TMA7B: variants seen among roughly 807,000 people sequenced by gnomAD.
The protein encoded by TMA7B is translation machinery associated 7 homolog B.
the TMA7B span, among the ~76,000 whole-genome samples, chr22:39,962,841 T>C: frequency 6.6e-6 from 1 of 151,980 alleles, no homozygotes; most frequent in Non-Finnish European, 1.5e-5. Flanking sequence ...GTGTGTGTGG[T>C]TTTTTTCAGT....
chr22:39,961,316 A>G, the TMA7B span, among the ~76,000 whole-genome samples: 7 of 152,288 alleles, frequency 4.6e-5, no homozygotes, highest in Admixed American at 2.0e-4. Context: ...ACAGGAGGGC[A>G]GGAGAAGGCC....
chr22:39,964,009 C>G, the TMA7B span: 1 of 182,202 alleles, frequency 5.5e-6, no homozygotes, highest in African/African-American at 2.4e-5. Context: ...GAGCGAGACT[C>G]TGACTCAAAA....
At chr22:39,964,164 T>C in the TMA7B span, 2 of 506,432 alleles carry the variant, frequency 3.9e-6, no homozygotes, top group South Asian at 3.2e-5. Context: ...AAATAAACTT[T>C]ACATCCAAAA....
At chr22:39,961,999 C>T in the TMA7B span, among the ~76,000 whole-genome samples, 1 of 152,238 alleles carries the variant, frequency 6.6e-6, no homozygotes, top group Non-Finnish European at 1.5e-5. Flanking sequence ...TGCTTAAACT[C>T]TTTTCTTCAG....
chr22:39,962,815 C>T, the TMA7B span, among the ~76,000 whole-genome samples: 3 of 152,028 alleles, frequency 2.0e-5, no homozygotes, highest in Non-Finnish European at 4.4e-5. Context: ...CGCACCACCA[C>T]GCCTGGCTAA....
At chr22:39,961,508 A>G in the TMA7B span, among the ~76,000 whole-genome samples, 2 of 152,228 alleles carry the variant, frequency 1.3e-5, no homozygotes, top group Admixed American at 6.5e-5. Flanking sequence ...CGAAAACCAC[A>G]GAACAGAGGG....
chr22:39,962,684 C>T, the TMA7B span, among the ~76,000 whole-genome samples: 3 of 151,776 alleles, frequency 2.0e-5, no homozygotes, highest in Non-Finnish European at 4.4e-5. Flanking sequence ...TTGAGACAGA[C>T]TCTCGCTCTG....
chr22:39,964,129 A>G, the TMA7B span: 6 of 412,800 alleles, frequency 1.5e-5, no homozygotes, highest in Non-Finnish European at 2.6e-5. Context: ...GTTTATTTTT[A>G]GATATAAATG....
At chr22:39,961,601 A>G in the TMA7B span, among the ~76,000 whole-genome samples, 2 of 152,206 alleles carry the variant, frequency 1.3e-5, no homozygotes, top group East Asian at 1.9e-4. Context: ...ACGCGTAGAC[A>G]TTACACAGCC....
chr22:39,964,524 G>A, the TMA7B span: 1 of 903,680 alleles, frequency 1.1e-6, no homozygotes, highest in Non-Finnish European at 1.8e-6. Flanking sequence ...TCGTGGGGAA[G>A]GGGCCTCTGG....
chr22:39,963,327 T>C, the TMA7B span, among the ~76,000 whole-genome samples: 4 of 152,180 alleles, frequency 2.6e-5, no homozygotes, highest in Non-Finnish European at 5.9e-5. Flanking sequence ...CCTCTCCTTG[T>C]AGACCCAGAT....
the TMA7B span, chr22:39,960,881 A>C: frequency 1.3e-5 from 2 of 151,174 alleles, no homozygotes; most frequent in Non-Finnish European, 2.9e-5. Flanking sequence ...TAGAAATGGG[A>C]TTGGACAAAG....
At chr22:39,962,464 T>G in the TMA7B span, among the ~76,000 whole-genome samples, 1 of 152,176 alleles carries the variant, frequency 6.6e-6, no homozygotes, top group African/African-American at 2.4e-5. Flanking sequence ...ATACATATAT[T>G]ATTAGAAAAA....
the TMA7B span, among the ~76,000 whole-genome samples, chr22:39,962,262 A>C: frequency 6.6e-6 from 1 of 152,116 alleles, no homozygotes; most frequent in African/African-American, 2.4e-5. Context: ...ATCTCTACTA[A>C]AAATAAAAAA....
chr22:39,964,903 A>G, the TMA7B span, among the ~76,000 whole-genome samples: 1 of 152,164 alleles, frequency 6.6e-6, no homozygotes, highest in Non-Finnish European at 1.5e-5. Flanking sequence ...TTGAAAGAAA[A>G]AAGAAGTTAT....
chr22:39,962,380 G>T, the TMA7B span, among the ~76,000 whole-genome samples: 1 of 151,964 alleles, frequency 6.6e-6, no homozygotes, highest in African/African-American at 2.4e-5. Context: ...AAGATCGATC[G>T]CACCACTGCA....
At chr22:39,964,574 T>C in the TMA7B span, 2 of 802,782 alleles carry the variant, frequency 2.5e-6, no homozygotes, top group African/African-American at 1.7e-5. Context: ...AAATAAGCTG[T>C]TCCTTGTGCC....
the TMA7B span, chr22:39,964,715 T>TA: frequency 0.021 from 6,349 of 308,026 alleles, 19 homozygotes; most frequent in South Asian, 0.037. Flanking sequence ...TAAACTTTTG[T>TA]AAAAAAAAAA....
the TMA7B span, chr22:39,964,085 C>G: frequency 2.5e-5 from 8 of 322,922 alleles, no homozygotes; most frequent in Middle Eastern, 9.1e-4. Context: ...CTTGACCTTT[C>G]TTTTACATCA....
Sources: gnomAD v4.1 joint callset for allele counts (sites outside exome capture counted in the v4.1 genomes callset) on GRCh38, gnomAD v4.1.1 for gene constraint, MANE v1.5 for transcripts, NCBI Gene and HGNC (gene_info 2026-07-23, HGNC 2026-07-21) for gene names.